PECAM1: variants seen among roughly 807,000 people sequenced by gnomAD.
PECAM1 encodes platelet endothelial cell adhesion molecule.
Under a neutral mutation model 13.8 loss-of-function variants are expected in PECAM1, and 8 were observed. That is an observed-to-expected ratio of 0.58 (90% CI 0.34 to 1.05). PECAM1 has a LOEUF of 1.05. Ranked by LOEUF, PECAM1 falls within the 50% of genes least tolerant of loss-of-function variation. The pLI is 0.03. For missense variants in PECAM1, 304 were observed against 141.2 expected (o/e 2.15, Z -5.84); for synonymous variants, 136 against 52.6 (o/e 2.58, Z -6.86).
rs1163112331 is a variant in PECAM1, at chr17:64,378,063, T to C, written c.146A>G (p.Asn49Ser). The C allele has an allele frequency of 4.2e-6, 2 of 475,114 alleles. No homozygotes were observed. Among genetic ancestry groups the C allele is most frequent in the Non-Finnish European group, 7.7e-6 (2 of 259,040 alleles). 29.4% of individuals were successfully genotyped at this position (475,114 alleles called of 1,614,324 possible). The part of the protein sequence containing the change: ...MKSLPDWTVQ[N>S]GKNLTLQCFA... ...GCACTGCAGGGTCAGGTTCTTCCCA[T>C]TTTGCACCGTCCAGTCCGGCAGGCT... Residue 49 changes from asparagine (N) to serine (S), a missense_variant, in exon 3 of 16, where the codon AAT (asparagine) becomes AGT (serine). Coordinates refer to ENST00000563924, the MANE Select transcript of PECAM1 (RefSeq NM_000442.5).
rs1555644736 is a variant in PECAM1 at position 64,322,865 on chromosome 17, GCCA to G, written c.*948_*950del. On this transcript the variant is annotated 3_prime_UTR_variant, in exon 16 of 16. Transcript: ENST00000563924. ...TGAGTAGCTGATACTACAGGCATGCGCCACCACGCCCGGCTAATTCTTGTATTT... is the reference window on the plus strand; with the variant it reads ...TGAGTAGCTGATACTACAGGCATGCGCCACGCCCGGCTAATTCTTGTATTT... 3.2e-6 allele frequency: 1 copy of G among 315,080 alleles called. No individual in the cohort carries two copies. Among genetic ancestry groups the G allele is most frequent in the Non-Finnish European group, 4.6e-6 (1 of 217,454 alleles). 19.5% of individuals were successfully genotyped at this position (315,080 alleles called of 1,614,324 possible).
intron 9 of PECAM1, 133 bp from the exon 10 acceptor site, chr17:64,353,651 C>G (rs1275461329): frequency 7.4e-6 from 3 of 405,282 alleles, no homozygotes; most frequent in Admixed American, 8.8e-5. Context: ...TTTTGTTTTA[C>G]TCCTAGTAAG....
chr17:64,375,011 A>G, intron 4 of PECAM1, 40 bp downstream of exon 4: 1 of 469,336 alleles, frequency 2.1e-6, no homozygotes, highest in Non-Finnish European at 3.9e-6. Flanking sequence ...ACCAAACCAG[A>G]AACCACAAAG....
chr17:64,369,270 C>T (rs2036184084), intron 5 of PECAM1, among the ~76,000 whole-genome samples: 1 of 152,070 alleles, frequency 6.6e-6, no homozygotes, highest in African/African-American at 2.4e-5. Context: ...AATGCTTTCT[C>T]ATTTGTGGCC....
chr17:64,360,036 G>A (rs1598030440), intron 7 of PECAM1, 104 bp downstream of exon 7: 3 of 474,082 alleles, frequency 6.3e-6, no homozygotes, highest in South Asian at 1.4e-4. Flanking sequence ...ACAGGCATGA[G>A]CCACCGCACC....
At chr17:64,382,996 C>T (rs1350953288) in intron 2 of PECAM1, among the ~76,000 whole-genome samples, 1 of 152,104 alleles carries the variant, frequency 6.6e-6, no homozygotes, top group African/African-American at 2.4e-5. Context: ...GCCGAGATTG[C>T]ACCACTGCAC....
intron 8 of PECAM1, among the ~76,000 whole-genome samples, chr17:64,355,690 G>A (rs1428966272): frequency 3.9e-5 from 6 of 152,076 alleles, no homozygotes; most frequent in Admixed American, 2.6e-4. Flanking sequence ...CAACTCCAGG[G>A]CTCAAGTGGA....
At position 64,322,758 on chromosome 17, in the gene PECAM1, C is replaced by G; in HGVS notation, c.*1058G>C. 1.1e-6 allele frequency: 1 copy of G among 889,978 alleles called. No individual in the cohort carries two copies. The allele number at this position is 889,978 out of a possible 1,614,324, so 55.1% of individuals were successfully genotyped here. A position where few individuals can be genotyped will look rare whatever the true frequency, so the allele number is the denominator to read the frequency against. On this transcript the variant is annotated 3_prime_UTR_variant, in exon 16 of 16. Transcript: ENST00000563924. ...TGAGATGGATTCTCACTCTGTCACT[C>G]AGGCTGGAGTGCAGTGGCGCGATCT...
At chr17:64,343,121 A>G (rs2035475754) in intron 13 of PECAM1, among the ~76,000 whole-genome samples, 1 of 152,226 alleles carries the variant, frequency 6.6e-6, no homozygotes, top group East Asian at 1.9e-4. Flanking sequence ...GGGGAAAGGA[A>G]GCCCCAGATA....
At chr17:64,360,895 G>C (rs1025975095) in intron 6 of PECAM1, among the ~76,000 whole-genome samples, 4 of 145,816 alleles carry the variant, frequency 2.7e-5, no homozygotes, top group Non-Finnish European at 6.0e-5. Context: ...GCACTGGTGC[G>C]ATGACAGCTC....
At chr17:64,389,903 C>T (rs1224437195) in intron 2 of PECAM1, among the ~76,000 whole-genome samples, 1 of 151,948 alleles carries the variant, frequency 6.6e-6, no homozygotes, top group Non-Finnish European at 1.5e-5. Context: ...CAAAAATTAG[C>T]CGGGCCTGGT....
chr17:64,364,467 A>T (rs1307660695), intron 5 of PECAM1, among the ~76,000 whole-genome samples: 1 of 151,992 alleles, frequency 6.6e-6, no homozygotes, highest in Non-Finnish European at 1.5e-5. Flanking sequence ...CTCCCTCAGG[A>T]TGATGAGGCC....
chr17:64,353,338 CACAA>C (rs1160807859), intron 10 of PECAM1, among the ~76,000 whole-genome samples, 149 bp downstream of exon 10: 1 of 130,306 alleles, frequency 7.7e-6, no homozygotes, highest in Non-Finnish European at 1.7e-5. Flanking sequence ...CACACACACA[CACAA>C]CTCACACACA....
intron 4 of PECAM1, 150 bp downstream of exon 4, chr17:64,374,901 G>C: frequency 2.5e-6 from 1 of 407,190 alleles, no homozygotes; most frequent in East Asian, 3.6e-5. Flanking sequence ...CTGTATAACA[G>C]TCAAAAAAGC....
chr17:64,353,165 A>G (rs2035766343), intron 10 of PECAM1, among the ~76,000 whole-genome samples: 1 of 152,132 alleles, frequency 6.6e-6, no homozygotes, highest in African/African-American at 2.4e-5. Flanking sequence ...CTATTTTGTC[A>G]AATTTTAAAA....
chr17:64,337,742 C>T (rs975205625), intron 14 of PECAM1, among the ~76,000 whole-genome samples: 24 of 151,982 alleles, frequency 1.6e-4, no homozygotes, highest in African/African-American at 5.1e-4. Flanking sequence ...CTGGAGACCC[C>T]GAGAGAACCC....
rs1242249304 is a variant in PECAM1 at position 64,352,334 on chromosome 17, A to C, written c.1990+56T>G. On this transcript the variant is annotated intron_variant, in intron 11 of 15. Coordinates refer to ENST00000563924, the MANE Select transcript of PECAM1 (RefSeq NM_000442.5). ...ACATATTCTGCTTCTGAGAGGGCTA[A>C]GGAAGTATGTAGCAAGTTGGGGGAA... 1.5e-5 allele frequency: 7 copies of C among 467,716 alleles called. No homozygotes were observed. In the Admixed American group the frequency reaches 2.3e-4, roughly 15 times the overall value. The allele number at this position is 467,716 out of a possible 1,614,324, so 29.0% of individuals were successfully genotyped here. A position where few individuals can be genotyped will look rare whatever the true frequency, so the allele number is the denominator to read the frequency against.
intron 13 of PECAM1, among the ~76,000 whole-genome samples, chr17:64,346,356 A>C (rs1229590709): frequency 6.6e-6 from 1 of 151,974 alleles, no homozygotes; most frequent in East Asian, 1.9e-4. Context: ...ATTTTTTTTT[A>C]GACGGAGTCT....
Position 64,323,071 on chromosome 17 carries a change from T to C in PECAM1, c.*745A>G. On this transcript the variant is annotated 3_prime_UTR_variant, in exon 16 of 16. Transcript: ENST00000563924. ...CACATTTCAAGTTTTCAATTAAGAA[T>C]AATATTTGCTGATGGCACCATCTTC... 1 of 984,664 alleles carries C rather than the reference T, an allele frequency of 1.0e-6. No individual in the cohort carries two copies. Among genetic ancestry groups the C allele is most frequent in the Non-Finnish European group, 1.2e-6 (1 of 829,204 alleles). 61.0% of individuals were successfully genotyped at this position (984,664 alleles called of 1,614,324 possible).
Sources: gnomAD v4.1 joint callset for allele counts (sites outside exome capture counted in the v4.1 genomes callset) on GRCh38, gnomAD v4.1.1 for gene constraint, MANE v1.5 for transcripts, NCBI Gene and HGNC (gene_info 2026-07-23, HGNC 2026-07-21) for gene names.